ABCA4: variants seen among roughly 807,000 people sequenced by gnomAD.
ABCA4 encodes ATP binding cassette subfamily A member 4.
In ABCA4, 196 loss-of-function variants were observed where a neutral mutation model predicts 263.7. The observed-to-expected ratio is 0.74, with a 90% CI of 0.66 to 0.84. ABCA4 has a LOEUF of 0.84. Among genes scored for constraint, ABCA4 ranks in the 40% least tolerant of loss-of-function variants. ABCA4 has a pLI of 0.00. For missense variants in ABCA4, 2,792 were observed against 2,855.1 expected (o/e 0.98, Z 0.50); for synonymous variants, 1,133 against 1,094.2 (o/e 1.04, Z -0.70).
intron 8 of ABCA4, 34 bp from the exon 9 acceptor site, chr1:94,079,495 C>A (rs1260822271): frequency 1.9e-6 from 3 of 1,613,914 alleles, no homozygotes; most frequent in Admixed American, 1.7e-5. Flanking sequence ...TTTACAGAAA[C>A]TCCCCATTGC....
chr1:94,086,478 T>C (rs1174815649), intron 6 of ABCA4, among the ~76,000 whole-genome samples: 2 of 152,104 alleles, frequency 1.3e-5, no homozygotes, highest in Non-Finnish European at 2.9e-5. Flanking sequence ...TCATAATCAC[T>C]CAATTTTACT....
intron 14 of ABCA4, chr1:94,059,779 T>G (rs1399129837): frequency 6.6e-6 from 1 of 152,416 alleles, no homozygotes; most frequent in Admixed American, 6.5e-5. Context: ...GACCTAAATT[T>G]ATATCCTTAT....
chr1:94,080,323 G>A (rs1434375454), intron 8 of ABCA4, among the ~76,000 whole-genome samples, 155 bp downstream of exon 8: 2 of 152,178 alleles, frequency 1.3e-5, no homozygotes, highest in Non-Finnish European at 2.9e-5. Context: ...CTTTCTGCAA[G>A]GGGAAGTGGA....
chr1:94,032,158 G>GA, intron 26 of ABCA4, 115 bp from the exon 27 acceptor site: 1 of 1,251,328 alleles, frequency 8.0e-7, no homozygotes, highest in Admixed American at 1.8e-5. Flanking sequence ...AGTCAGCAAT[G>GA]AAATACCAGG....
intron 11 of ABCA4, 122 bp from the exon 12 acceptor site, chr1:94,063,439 C>T: frequency 1.0e-6 from 1 of 959,134 alleles, no homozygotes; most frequent in Non-Finnish European, 1.7e-6. Flanking sequence ...GCAAGGAGGC[C>T]TATAAACTTA....
intron 25 of ABCA4, 31 bp downstream of exon 25, chr1:94,037,114 T>C: frequency 1.2e-6 from 2 of 1,610,298 alleles, no homozygotes; most frequent in Non-Finnish European, 1.7e-6. Flanking sequence ...TTCTGGCACT[T>C]GACAGAAACC....
chr1:94,012,039 G>A (rs558157590), intron 38 of ABCA4, among the ~76,000 whole-genome samples: 2 of 152,278 alleles, frequency 1.3e-5, no homozygotes, highest in South Asian at 2.1e-4. Flanking sequence ...TCAAGTGGTC[G>A]GACTTGGCAT....
chr1:94,109,896 C>T (rs1400844208), intron 3 of ABCA4, among the ~76,000 whole-genome samples: 4 of 152,120 alleles, frequency 2.6e-5, no homozygotes, highest in Non-Finnish European at 4.4e-5. Flanking sequence ...AACATGAAAC[C>T]CAACTTTCCG....
intron 1 of ABCA4, among the ~76,000 whole-genome samples, chr1:94,117,003 T>TTTCTTTC (rs1553197149): frequency 8.4e-6 from 1 of 118,872 alleles, no homozygotes; most frequent in Non-Finnish European, 1.9e-5. Flanking sequence ...TCTTTCTTTC[T>TTTCTTTC]TTCTTTCTTT....
rs2065711 is a variant in ABCA4 at position 94,011,139 on chromosome 1, C to T, written c.5584+123G>A. The T allele has an allele frequency of 0.24, 371,599 of 1,574,254 alleles. 45,226 individuals are homozygous for T. The highest frequency in any genetic ancestry group is 0.25 in the African/African-American group (18,600 of 73,988). Reference sequence around the variant, plus strand: ...ATCCTCTCCAGCTGGCAGGACACCTCCAGCCCAACAAGGTCCCCTCCTAGC... The same window carrying T: ...ATCCTCTCCAGCTGGCAGGACACCTTCAGCCCAACAAGGTCCCCTCCTAGC... On this transcript the variant is annotated intron_variant, in intron 39 of 49. Coordinates refer to ENST00000370225, the MANE Select transcript of ABCA4 (RefSeq NM_000350.3).
intron 3 of ABCA4, among the ~76,000 whole-genome samples, chr1:94,109,729 C>G (rs1400400245): frequency 1.3e-5 from 2 of 152,206 alleles, no homozygotes; most frequent in African/African-American, 4.8e-5. Flanking sequence ...GCCTGCCTCT[C>G]CTGAGCCCCG....
intron 6 of ABCA4, among the ~76,000 whole-genome samples, chr1:94,086,825 G>A (rs1199106309): frequency 2.0e-5 from 3 of 152,170 alleles, no homozygotes; most frequent in Non-Finnish European, 4.4e-5. Context: ...TGGTGGCTTT[G>A]CTTTCCCTAA....
intron 6 of ABCA4, among the ~76,000 whole-genome samples, chr1:94,093,495 T>C (rs1476323895): frequency 6.6e-6 from 1 of 152,214 alleles, no homozygotes; most frequent in African/African-American, 2.4e-5. Flanking sequence ...GCCTCACACA[T>C]TGGTGCACAC....
At chr1:94,046,304 ATAC>A (rs151244743) in intron 19 of ABCA4, among the ~76,000 whole-genome samples, 7,017 of 108,368 alleles carry the variant, frequency 0.065, 509 homozygotes, top group Middle Eastern at 0.13. Flanking sequence ...AAAAAAAAAA[ATAC>A]AAAAATTAGC....
intron 47 of ABCA4, among the ~76,000 whole-genome samples, chr1:93,998,750 T>G (rs1659087279): frequency 6.6e-6 from 1 of 150,568 alleles, no homozygotes; most frequent in African/African-American, 2.5e-5. Context: ...TTATTTTATT[T>G]TATTTTATTT....
chr1:94,097,283 C>T (rs1019491990), intron 6 of ABCA4, among the ~76,000 whole-genome samples: 2 of 152,114 alleles, frequency 1.3e-5, no homozygotes, highest in African/African-American at 2.4e-5. Context: ...TAACTTTCCA[C>T]GGAAAGTCAC....
intron 4 of ABCA4, among the ~76,000 whole-genome samples, chr1:94,106,425 G>A (rs1316616297): frequency 6.6e-6 from 1 of 152,308 alleles, no homozygotes; most frequent in South Asian, 2.1e-4. Flanking sequence ...CCCACTGGAT[G>A]CATGAGGTAT....
chr1:94,070,294 G>A (rs1412966492), intron 11 of ABCA4, among the ~76,000 whole-genome samples: 1 of 152,140 alleles, frequency 6.6e-6, no homozygotes, highest in African/African-American at 2.4e-5. Context: ...GCCTATTGGT[G>A]CAAGAGATGG....
chr1:94,075,352 T>TAA (rs56275191), intron 11 of ABCA4, among the ~76,000 whole-genome samples: 4 of 150,482 alleles, frequency 2.7e-5, no homozygotes, highest in Non-Finnish European at 5.9e-5. Flanking sequence ...ATCTAAAAAT[T>TAA]AAAAAAAAAA....
Sources: gnomAD v4.1 joint callset for allele counts (sites outside exome capture counted in the v4.1 genomes callset) on GRCh38, gnomAD v4.1.1 for gene constraint, MANE v1.5 for transcripts, NCBI Gene and HGNC (gene_info 2026-07-23, HGNC 2026-07-21) for gene names.